The following LRRC1 variants were observed in gnomAD, a reference collection of about 807,000 sequenced individuals.
The protein encoded by LRRC1 is leucine-rich repeat-containing protein 1.
In LRRC1, 28 loss-of-function variants were observed where a neutral mutation model predicts 69.9. The observed-to-expected ratio is 0.40, with a 90% CI of 0.30 to 0.55. LRRC1 has a LOEUF of 0.55. Among genes scored for constraint, LRRC1 ranks in the 20% least tolerant of loss-of-function variants. The pLI, the probability that LRRC1 is intolerant of heterozygous loss-of-function variation, is 0.47. For synonymous variants in LRRC1, 236 were observed against 240.2 expected (o/e 0.98, Z 0.16); for missense variants, 498 against 609.0 (o/e 0.82, Z 1.92).
intron 2 of LRRC1, among the ~76,000 whole-genome samples, chr6:53,874,496 C>T (rs967824169): frequency 6.6e-6 from 1 of 152,226 alleles, no homozygotes; most frequent in Admixed American, 6.5e-5. Context: ...TTTTTCACTA[C>T]CTCATTTGAC....
chr6:53,845,426 G>A (rs1359414319), intron 2 of LRRC1, among the ~76,000 whole-genome samples: 1 of 152,162 alleles, frequency 6.6e-6, no homozygotes, highest in Non-Finnish European at 1.5e-5. Flanking sequence ...CTGGAGAGGC[G>A]ATGTGAGAAC....
intron 1 of LRRC1, among the ~76,000 whole-genome samples, chr6:53,835,367 T>G (rs758229757): frequency 1.8e-4 from 27 of 152,208 alleles, no homozygotes; most frequent in Non-Finnish European, 3.1e-4. Flanking sequence ...TGAAATGCAA[T>G]TCTATAATTT....
At chr6:53,806,934 CA>C (rs1764650422) in intron 1 of LRRC1, among the ~76,000 whole-genome samples, 1 of 152,148 alleles carries the variant, frequency 6.6e-6, no homozygotes, top group Non-Finnish European at 1.5e-5. Flanking sequence ...CAAAATGAGG[CA>C]AAATGGTTGA....
At chr6:53,811,628 C>T (rs745809336) in intron 1 of LRRC1, among the ~76,000 whole-genome samples, 7 of 152,206 alleles carry the variant, frequency 4.6e-5, no homozygotes, top group Non-Finnish European at 1.0e-4. Flanking sequence ...TACAGTATTC[C>T]AGATGTACAG....
At chr6:53,798,658 C>T (rs1202930750) in intron 1 of LRRC1, among the ~76,000 whole-genome samples, 5 of 152,228 alleles carry the variant, frequency 3.3e-5, no homozygotes, top group African/African-American at 4.8e-5. Context: ...GGATTACAGG[C>T]GTGAGCCACC....
At chr6:53,902,544 A>G in intron 8 of LRRC1, 85 bp from the exon 9 acceptor site, 1 of 781,690 alleles carries the variant, frequency 1.3e-6, no homozygotes, top group Non-Finnish European at 2.0e-6. Context: ...AACAAAAAGA[A>G]CAGCAGATAG....
intron 4 of LRRC1, among the ~76,000 whole-genome samples, chr6:53,892,710 C>A (rs1339110564): frequency 6.6e-6 from 1 of 152,226 alleles, no homozygotes; most frequent in African/African-American, 2.4e-5. Context: ...TGCATTTAGG[C>A]TGATTCTGTT....
intron 2 of LRRC1, among the ~76,000 whole-genome samples, chr6:53,863,473 C>T (rs1342072790): frequency 6.6e-6 from 1 of 152,338 alleles, no homozygotes; most frequent in Admixed American, 6.5e-5. Flanking sequence ...CATCTCTCCA[C>T]GTAGATAGGT....
intron 1 of LRRC1, among the ~76,000 whole-genome samples, chr6:53,825,142 C>T (rs1051030170): frequency 8.5e-5 from 13 of 152,074 alleles, no homozygotes; most frequent in Admixed American, 6.5e-4. Flanking sequence ...TTAGTGTTGC[C>T]GGTAAACCAT....
chr6:53,821,364 T>G (rs1422241011), intron 1 of LRRC1, among the ~76,000 whole-genome samples: 1 of 152,250 alleles, frequency 6.6e-6, no homozygotes, highest in Non-Finnish European at 1.5e-5. Flanking sequence ...TATATTTTAT[T>G]ACTTCACTAG....
intron 7 of LRRC1, among the ~76,000 whole-genome samples, chr6:53,897,724 G>T (rs1767922074): frequency 6.6e-6 from 1 of 152,136 alleles, no homozygotes; most frequent in African/African-American, 2.4e-5. Flanking sequence ...CAAGTGCTTT[G>T]GGATAATTTG....
intron 2 of LRRC1, among the ~76,000 whole-genome samples, chr6:53,867,591 A>G (rs1581886145): frequency 1.3e-5 from 2 of 152,324 alleles, no homozygotes; most frequent in Non-Finnish European, 2.9e-5. Context: ...TTATGCTTTT[A>G]TTCTTGATGT....
At chr6:53,878,919 T>G (rs1767167376) in intron 2 of LRRC1, 74 bp from the exon 3 acceptor site, 1 of 805,816 alleles carries the variant, frequency 1.2e-6, no homozygotes, top group Non-Finnish European at 2.1e-6. Context: ...CTCTTGTGAG[T>G]GTGATCCATC....
intron 2 of LRRC1, among the ~76,000 whole-genome samples, chr6:53,876,326 A>C (rs773482104): frequency 6.6e-6 from 1 of 152,148 alleles, no homozygotes; most frequent in Non-Finnish European, 1.5e-5. Flanking sequence ...CCCACAACAC[A>C]TGGGAATTCA....
At chr6:53,906,235 C>T (rs1190330018) in intron 10 of LRRC1, among the ~76,000 whole-genome samples, 1 of 152,122 alleles carries the variant, frequency 6.6e-6, no homozygotes, top group Non-Finnish European at 1.5e-5. Flanking sequence ...GTTGGTAGAA[C>T]CTGACTCCAA....
chr6:53,916,693 CTT>C (rs1458578169), intron 11 of LRRC1, among the ~76,000 whole-genome samples: 1 of 152,056 alleles, frequency 6.6e-6, no homozygotes, highest in African/African-American at 2.4e-5. Flanking sequence ...TTTTTGAAAA[CTT>C]TGCTTAAAAC....
chr6:53,888,084 GA>G (rs1435615105), intron 4 of LRRC1, among the ~76,000 whole-genome samples: 8 of 152,200 alleles, frequency 5.3e-5, no homozygotes, highest in African/African-American at 9.6e-5. Flanking sequence ...TACAATGTGT[GA>G]ATGAATTTGT....
intron 8 of LRRC1, 129 bp downstream of exon 8, chr6:53,900,020 GTTTTT>G (rs869246243): frequency 2.5e-3 from 482 of 190,196 alleles, no homozygotes; most frequent in Middle Eastern, 9.8e-3. Flanking sequence ...TCTCCTTACT[GTTTTT>G]TTTTTTTTTT....
chr6:53,823,795 T>A (rs1765181281), intron 1 of LRRC1, among the ~76,000 whole-genome samples: 1 of 152,200 alleles, frequency 6.6e-6, no homozygotes, highest in South Asian at 2.1e-4. Context: ...CGCCATCCCA[T>A]CCATATTCCT....
Sources: allele counts gnomAD v4.1 joint callset (sites outside exome capture counted in the v4.1 genomes callset), GRCh38; gene constraint gnomAD v4.1.1; transcripts MANE v1.5; gene names NCBI Gene and HGNC (gene_info 2026-07-23, HGNC 2026-07-21).